The following CDH13 variants were observed in gnomAD, a reference collection of about 807,000 sequenced individuals.
The protein encoded by CDH13 is cadherin 13.
In CDH13, 24 loss-of-function variants were observed where a neutral mutation model predicts 63.8. The observed-to-expected ratio is 0.38, with a 90% CI of 0.27 to 0.53. The LOEUF is 0.53. CDH13 is among the 20% of genes least tolerant of loss of function. The pLI, the probability that CDH13 is intolerant of heterozygous loss-of-function variation, is 0.85. For missense variants in CDH13, 1,049 were observed against 903.1 expected, an observed-to-expected ratio of 1.16 and a Z score of -2.07; for synonymous variants, 503 against 355.3, an observed-to-expected ratio of 1.42 and a Z score of -4.67.
intron 1 of CDH13, chr16:82,639,325 G>A (rs1327759073): frequency 1.4e-6 from 2 of 1,460,802 alleles, no homozygotes; most frequent in South Asian, 2.4e-5. Context: ...GGGGTCATTT[G>A]TGTTCTTTGT....
rs533734153 is a variant in CDH13 at position 83,644,769 on chromosome 16, A to G, written c.1102-26021A>G. Among the ~76,000 whole-genome samples the G allele has an allele frequency of 9.0e-4, 137 of 152,322 alleles. 1 individual carries two copies. The highest frequency in any genetic ancestry group is 3.1e-3 in the African/African-American group (129 of 41,572). On this transcript the variant is annotated intron_variant, in intron 8 of 13. Coordinates refer to ENST00000567109, the MANE Select transcript of CDH13 (RefSeq NM_001257.5). ...CAGCAGTGGGGGTCCCCAGTGAAGT[A>G]GGATCCCAAAGGCCACAGCAATTGG...
intron 5 of CDH13, among the ~76,000 whole-genome samples, chr16:83,287,021 G>A (rs1359804077): frequency 1.3e-5 from 2 of 152,028 alleles, no homozygotes; most frequent in Non-Finnish European, 2.9e-5. Flanking sequence ...GGAAGATAAT[G>A]TTCATCTTTT....
intron 1 of CDH13, among the ~76,000 whole-genome samples, chr16:82,663,632 T>C (rs184813278): frequency 3.3e-4 from 50 of 152,356 alleles, no homozygotes; most frequent in African/African-American, 1.1e-3. Flanking sequence ...CTTTGGCCGC[T>C]TCTTCAGACA....
intron 7 of CDH13, among the ~76,000 whole-genome samples, chr16:83,572,861 G>T (rs1375727579): frequency 6.6e-6 from 1 of 152,174 alleles, no homozygotes; most frequent in East Asian, 1.9e-4. Context: ...TTAAATGTGG[G>T]AAAGTTACGC....
In CDH13 at chr16:83,093,294, C is replaced by CTTTTTTT. The variant is rs549590536; in HGVS notation, c.367-32059_367-32053dup. On this transcript the variant is annotated intron_variant, in intron 3 of 13. Transcript: ENST00000567109. ...TTGTCCTGTGGAAACACCATAAGTA[C>CTTTTTTT]TTTTTTTTTTTTTTTTTTTTTTTTT... Among the ~76,000 whole-genome samples, 33 of 35,326 alleles carry CTTTTTTT rather than the reference C, an allele frequency of 9.3e-4. 11 individuals are homozygous for CTTTTTTT. Among genetic ancestry groups the CTTTTTTT allele is most frequent in the Non-Finnish European group, 1.3e-3 (23 of 17,918 alleles). The allele number at this position is 35,326 out of a possible 152,430, so 23.2% of individuals were successfully genotyped here. A position where few individuals can be genotyped will look rare whatever the true frequency, so the allele number is the denominator to read the frequency against.
chr16:83,148,138 A>G (rs534924997), intron 4 of CDH13, among the ~76,000 whole-genome samples: 18 of 152,174 alleles, frequency 1.2e-4, no homozygotes, highest in Non-Finnish European at 1.8e-4. Context: ...GGGTTTCACC[A>G]TTTTGGCCAG....
At chr16:82,648,126 C>T (rs974710203) in intron 1 of CDH13, among the ~76,000 whole-genome samples, 1 of 152,168 alleles carries the variant, frequency 6.6e-6, no homozygotes, top group Admixed American at 6.5e-5. Context: ...TCCATTAAAA[C>T]TCTTTTTCTT....
intron 7 of CDH13, among the ~76,000 whole-genome samples, chr16:83,488,958 T>C (rs2073952692): frequency 6.6e-6 from 1 of 152,132 alleles, no homozygotes; most frequent in East Asian, 1.9e-4. Flanking sequence ...ACATATTTTC[T>C]TCTTTTGGAG....
chr16:82,882,490 G>C (rs145554610), intron 2 of CDH13, among the ~76,000 whole-genome samples: 15 of 152,206 alleles, frequency 9.9e-5, no homozygotes, highest in African/African-American at 3.4e-4. Context: ...AAGCTAACCA[G>C]CTGTGAACCA....
At chr16:82,996,485 C>T (rs1328127815) in intron 2 of CDH13, among the ~76,000 whole-genome samples, 1 of 151,936 alleles carries the variant, frequency 6.6e-6, no homozygotes, top group African/African-American at 2.4e-5. Context: ...TCTCCATGTT[C>T]ATTAGAAATG....
At chr16:83,657,540 C>G (rs934071113) in intron 8 of CDH13, among the ~76,000 whole-genome samples, 1 of 152,174 alleles carries the variant, frequency 6.6e-6, no homozygotes, top group Non-Finnish European at 1.5e-5. Context: ...TGTTCCTTGA[C>G]AATCATTTTC....
chr16:83,130,297 C>T (rs751984864), intron 4 of CDH13, among the ~76,000 whole-genome samples: 5 of 152,184 alleles, frequency 3.3e-5, no homozygotes, highest in Non-Finnish European at 7.3e-5. Context: ...GTAACCTGTC[C>T]AAAGCCACAC....
chr16:83,423,799 T>A (rs2071793621), intron 6 of CDH13, among the ~76,000 whole-genome samples: 1 of 152,256 alleles, frequency 6.6e-6, no homozygotes, highest in Non-Finnish European at 1.5e-5. Flanking sequence ...CCTGTTCTGG[T>A]GGCCCTTGAG....
intron 11 of CDH13, among the ~76,000 whole-genome samples, chr16:83,748,620 C>T (rs1176292018): frequency 6.6e-6 from 1 of 152,188 alleles, no homozygotes; most frequent in Admixed American, 6.5e-5. Flanking sequence ...CAGAGGACAT[C>T]ACTGACCCTG....
intron 1 of CDH13, among the ~76,000 whole-genome samples, chr16:82,779,607 GAAGA>G (rs1369325853): frequency 1.3e-5 from 2 of 152,192 alleles, no homozygotes; most frequent in Non-Finnish European, 2.9e-5. Context: ...GGAAAAACCA[GAAGA>G]AAGATTTAAA....
At chr16:82,817,804 C>CA (rs1447522254) in intron 1 of CDH13, among the ~76,000 whole-genome samples, 1 of 152,006 alleles carries the variant, frequency 6.6e-6, no homozygotes, top group Non-Finnish European at 1.5e-5. Context: ...GACTCCATCT[C>CA]AAAAAATCAA....
At position 83,137,440 on chromosome 16, in the gene CDH13, G is replaced by A. The variant is rs142497328; in HGVS notation, c.483+11939G>A. On this transcript the variant is annotated intron_variant, in intron 4 of 13. Transcript: ENST00000567109. Reference sequence around the variant, plus strand: ...CCTCGCCAACATTTATTTGATGTGCGTGTTTGTGCGCTGAGTCAGGGCCGG... The same window carrying A: ...CCTCGCCAACATTTATTTGATGTGCATGTTTGTGCGCTGAGTCAGGGCCGG... Among the ~76,000 whole-genome samples the A allele has an allele frequency of 2.1e-3, 320 of 152,306 alleles. 3 individuals carry two copies. The highest frequency in any genetic ancestry group is 6.9e-3 in the African/African-American group (287 of 41,574).
intron 1 of CDH13, among the ~76,000 whole-genome samples, chr16:82,833,400 G>T (rs2038629335): frequency 6.6e-6 from 1 of 152,172 alleles, no homozygotes. Context: ...AGTAAATTGT[G>T]GCGTGGGGAC....
At chr16:82,708,788 TCCC>T (rs748173800) in intron 1 of CDH13, among the ~76,000 whole-genome samples, 84 of 152,174 alleles carry the variant, frequency 5.5e-4, no homozygotes, top group Non-Finnish European at 9.7e-4. Flanking sequence ...GAGACACCCC[TCCC>T]CAGACTGACC....
Sources: gnomAD v4.1 joint callset for allele counts (sites outside exome capture counted in the v4.1 genomes callset) on GRCh38, gnomAD v4.1.1 for gene constraint, MANE v1.5 for transcripts, NCBI Gene and HGNC (gene_info 2026-07-23, HGNC 2026-07-21) for gene names.